Variants in AP4M1 observed in about 807,000 individuals in gnomAD.
AP4M1 encodes AP-4 complex subunit mu-1.
AP4M1 carries 58 observed loss-of-function variants against 62.4 expected under a neutral mutation model. The observed-to-expected ratio is 0.93, with a 90% CI of 0.75 to 1.16. The LOEUF is 1.16. Among genes scored for constraint, AP4M1 ranks in the 50% most tolerant of loss-of-function variants. The pLI, the probability that AP4M1 is intolerant of heterozygous loss-of-function variation, is 0.00. For missense variants in AP4M1, 626 were observed against 585.4 expected, an observed-to-expected ratio of 1.07 and a Z score of -0.72; for synonymous variants, 290 against 239.7, an observed-to-expected ratio of 1.21 and a Z score of -1.94.
intron 3 of AP4M1, 40 bp downstream of exon 3, chr7:100,102,821 G>T (rs770872997): frequency 6.2e-7 from 1 of 1,613,404 alleles, no homozygotes; most frequent in East Asian, 2.2e-5. Context: ...GCTAGGAGGG[G>T]TCTGAGAGGA....
In AP4M1 at chr7:100,101,745, A is replaced by C. The variant is rs1223920316; in HGVS notation, c.31A>C (p.Lys11Gln). Residue 11 changes from lysine to glutamine, a missense_variant, in exon 1 of 15, where the codon AAG becomes CAG. By Grantham distance (53) the Lys-to-Gln change is moderately conservative. Transcript: ENST00000359593. ...TTCCCAATTCTTCATTCTGTCCTCC[A>C]AGGGGGACCCGCTCATCTACAAAGA... The part of the protein sequence containing the change: MISQFFILSS[K>Q]GDPLIYKDFR... 7 of 1,609,764 alleles carry C rather than the reference A, an allele frequency of 4.3e-6. No individual in the cohort carries two copies. In the South Asian group the frequency reaches 5.5e-5, roughly 13 times the overall value.
Position 100,105,983 on chromosome 7 carries a change from A to G in AP4M1, c.954A>G (p.Arg318=). The change falls in exon 12 of 15, where the codon CGA becomes CGG. Residue 318 remains arginine (R), a synonymous_variant. Transcript: ENST00000359593. Reference sequence around the variant, plus strand: ...GGCTCCAGGTTTATCTAAAGTTGCGATGTGACCTGCTCTCAAAGAGGTAAG... The same window carrying G: ...GGCTCCAGGTTTATCTAAAGTTGCGGTGTGACCTGCTCTCAAAGAGGTAAG... ...SGRLQVYLKL[R]CDLLSKSQAL... is the part of the protein sequence containing the mutation. 6.2e-7 allele frequency: 1 copy of G among 1,614,062 alleles called. No homozygotes were observed. Among genetic ancestry groups the G allele is most frequent in the South Asian group, 1.1e-5 (1 of 91,076 alleles).
upstream of AP4M1, chr7:100,101,516 G>A: frequency 1.3e-6 from 1 of 788,658 alleles, no homozygotes; most frequent in East Asian, 2.7e-5. Context: ...TAGAATGAGT[G>A]ACGGGGAGGC....
upstream of AP4M1, chr7:100,100,931 C>G (rs1795979424): frequency 1.8e-5 from 19 of 1,031,364 alleles, no homozygotes; most frequent in Non-Finnish European, 2.1e-5. Flanking sequence ...AAAGCGGGCA[C>G]GGGAGCCCAG....
Position 100,107,912 on chromosome 7 carries a change from A to G in AP4M1, c.*1030A>G. The G allele has an allele frequency of 1.3e-6, 2 of 1,593,308 alleles. No homozygotes were observed. The highest frequency in any genetic ancestry group is 2.3e-5 in the South Asian group (2 of 87,700). ...AGGCCCTCCAGATGCTCCCTGTCCC[A>G]CAGCTCTGCATACCTGCTGGGTGGA... On this transcript the variant is annotated 3_prime_UTR_variant, in exon 15 of 15. Coordinates refer to ENST00000359593, the MANE Select transcript of AP4M1 (RefSeq NM_004722.4).
rs1008496130 is a variant in AP4M1, at chr7:100,106,157, T to C, written c.975-84T>C. Reference sequence around the variant, plus strand: ...TTGGGAAGGTGGGGGGCACCTGTGCTGAAATCCTGTTATGACATTGAAGAG... The same window carrying C: ...TTGGGAAGGTGGGGGGCACCTGTGCCGAAATCCTGTTATGACATTGAAGAG... On this transcript the variant is annotated intron_variant, in intron 12 of 14. Transcript: ENST00000359593. The C allele has an allele frequency of 1.5e-5, 24 of 1,573,702 alleles. No homozygotes were observed. In the Admixed American group the frequency reaches 3.9e-4, roughly 25 times the overall value.
At chr7:100,102,116 C>G in intron 2 of AP4M1, 148 bp downstream of exon 2, 1 of 887,646 alleles carries the variant, frequency 1.1e-6, no homozygotes, top group Non-Finnish European at 1.8e-6. Flanking sequence ...CGCGGTGGCT[C>G]ACGCCTGTAA....
upstream of AP4M1, chr7:100,101,560 G>T (rs1796033414): frequency 2.3e-6 from 2 of 853,362 alleles, no homozygotes; most frequent in South Asian, 1.4e-5. Flanking sequence ...TCCGGGCGGG[G>T]TAGTGCAGGC....
chr7:100,101,547 A>C (rs1242122239), upstream of AP4M1: 2 of 809,292 alleles, frequency 2.5e-6, no homozygotes, highest in East Asian at 5.3e-5. Context: ...TCGGAAGGGA[A>C]TCTCCGGGCG....
At chr7:100,101,425 C>A, upstream of AP4M1, 1 of 1,266,510 alleles carries the variant, frequency 7.9e-7, no homozygotes, top group South Asian at 1.3e-5. Context: ...CCCACGTGAC[C>A]GGCGCCACTG....
chr7:100,101,360 A>C, upstream of AP4M1: 1 of 1,604,886 alleles, frequency 6.2e-7, no homozygotes, highest in Non-Finnish European at 8.5e-7. Context: ...GAAGCTGAGA[A>C]TCTCCGCGCG....
At chr7:100,101,849 G>C (rs1321854693) in intron 1 of AP4M1, 31 bp from the exon 2 acceptor site, 2 of 1,612,584 alleles carry the variant, frequency 1.2e-6, no homozygotes, top group Non-Finnish European at 1.7e-6. Context: ...CTGTGTCGCA[G>C]GATCCTTCAC....
chr7:100,106,383 C>G lies in AP4M1; in HGVS notation c.1026-20C>G, dbSNP rs371922404. ...CTCAAGAAGGTGCCAAGCCCAGCAC[C>G]TTCCCTTTCCAAACTCCAGCCTGTC... On this transcript the variant is annotated intron_variant, in intron 13 of 14. Transcript: ENST00000359593. 2.2e-5 allele frequency: 36 copies of G among 1,613,230 alleles called. No homozygotes were observed. The African/African-American group carries it at 4.7e-4, about 21-fold the overall frequency.
intron 12 of AP4M1, 55 bp from the exon 13 acceptor site, chr7:100,106,186 C>G: frequency 5.6e-6 from 9 of 1,600,906 alleles, no homozygotes; most frequent in Non-Finnish European, 7.7e-6. Context: ...TGAAGAGGAA[C>G]AGGACAAGGG....
chr7:100,101,504 C>T (rs529424857), upstream of AP4M1: 40 of 795,126 alleles, frequency 5.0e-5, no homozygotes, highest in Admixed American at 8.6e-4. Flanking sequence ...ACCGTGCGGG[C>T]CTAGAATGAG....
rs1054176833 is a variant in AP4M1 at position 100,108,637 on chromosome 7, G to A, written c.*1755G>A. On this transcript the variant is annotated 3_prime_UTR_variant, in exon 15 of 15. Coordinates refer to ENST00000359593, the MANE Select transcript of AP4M1 (RefSeq NM_004722.4). The stretch of plus-strand genomic sequence containing the variant: ...CACTCTTGAGAAGAACCTTGGGGAT[G>A]GGGTAAAAAAGGACATTCCTTATCA... The A allele has an allele frequency of 1.2e-5, 17 of 1,393,662 alleles. No homozygotes were observed. Among genetic ancestry groups the A allele is most frequent in the Non-Finnish European group, 1.3e-5 (13 of 1,033,936 alleles). The allele number at this position is 1,393,662 out of a possible 1,614,324, so 86.3% of individuals were successfully genotyped here. A position where few individuals can be genotyped will look rare whatever the true frequency, so the allele number is the denominator to read the frequency against.
In AP4M1 at chr7:100,107,742, G is replaced by T; in HGVS notation, c.*860G>T. The T allele has an allele frequency of 6.8e-7, 1 of 1,461,786 alleles. No individual in the cohort carries two copies. Among genetic ancestry groups the T allele is most frequent in the Non-Finnish European group, 9.1e-7 (1 of 1,095,506 alleles). 90.6% of individuals were successfully genotyped at this position (1,461,786 alleles called of 1,614,324 possible). On this transcript the variant is annotated 3_prime_UTR_variant, in exon 15 of 15. Transcript: ENST00000359593. The stretch of plus-strand genomic sequence containing the variant: ...AGTTGTTCCTGTAGTTCACCCTGTA[G>T]ACAGCTATGGCTGGAGACCTTGTTC...
At chr7:100,103,373 C>T in intron 4 of AP4M1, 36 bp from the exon 5 acceptor site, 2 of 1,571,838 alleles carry the variant, frequency 1.3e-6, no homozygotes, top group Non-Finnish European at 8.8e-7. Flanking sequence ...CCCTTCCCTC[C>T]ACTGATCACT....
chr7:100,105,868 C>G, intron 11 of AP4M1, 91 bp from the exon 12 acceptor site: 6 of 1,457,842 alleles, frequency 4.1e-6, no homozygotes, highest in Non-Finnish European at 5.8e-6. Context: ...CAGCCCACAC[C>G]CACACAGCCC....
Sources: allele counts gnomAD v4.1 joint callset, GRCh38; gene constraint gnomAD v4.1.1; transcripts MANE v1.5; gene names NCBI Gene and HGNC (gene_info 2026-07-23, HGNC 2026-07-21).